The following EYS variants were observed in gnomAD, a reference collection of about 807,000 sequenced individuals.
The protein encoded by EYS is EGF-like photoreceptor maintenance factor.
A neutral mutation model predicts 282.1 loss-of-function variants in EYS; 250 were observed. That is an observed-to-expected ratio of 0.89 (90% CI 0.80 to 0.98). EYS has a LOEUF of 0.98. Among genes scored for constraint, EYS ranks in the 50% least tolerant of loss-of-function variants. The pLI is 0.00. For missense variants in EYS, 4,016 were observed against 3,709.0 expected, an observed-to-expected ratio of 1.08 and a Z score of -2.15; for synonymous variants, 1,355 against 1,282.9, an observed-to-expected ratio of 1.06 and a Z score of -1.20.
At chr6:64,021,393 A>AGGAT (rs1296113236) in intron 33 of EYS, among the ~76,000 whole-genome samples, 1 of 151,774 alleles carries the variant, frequency 6.6e-6, no homozygotes, top group Non-Finnish European at 1.5e-5. Context: ...ACAGGGAATG[A>AGGAT]GGATGCTACT....
At chr6:65,323,476 A>C (rs533439466) in intron 11 of EYS, among the ~76,000 whole-genome samples, 16 of 152,226 alleles carry the variant, frequency 1.1e-4, no homozygotes, top group Non-Finnish European at 2.4e-4. Flanking sequence ...TATGTAATAA[A>C]GTTTTGTGTA....
At chr6:63,750,209 A>G (rs1381992027) in intron 41 of EYS, among the ~76,000 whole-genome samples, 1 of 152,108 alleles carries the variant, frequency 6.6e-6, no homozygotes, top group African/African-American at 2.4e-5. Context: ...GATCCTTGTG[A>G]CAGTTATTTA....
chr6:64,125,654 T>C (rs1319879871), intron 31 of EYS, among the ~76,000 whole-genome samples: 2 of 151,546 alleles, frequency 1.3e-5, no homozygotes, highest in Non-Finnish European at 2.9e-5. Context: ...GGCGTGGTGG[T>C]GGGCACCTGT....
chr6:65,498,123 C>T (rs1766318768), intron 2 of EYS, among the ~76,000 whole-genome samples: 1 of 151,882 alleles, frequency 6.6e-6, no homozygotes, highest in African/African-American at 2.4e-5. Flanking sequence ...TCCAGGAAGA[C>T]CAGTTGGAGC....
intron 26 of EYS, among the ~76,000 whole-genome samples, chr6:64,552,452 G>A (rs1375073375): frequency 2.6e-5 from 4 of 152,084 alleles, no homozygotes; most frequent in Admixed American, 2.0e-4. Context: ...ACCTGTTAAA[G>A]TTTGACAAGA....
intron 13 of EYS, 24 bp from the exon 14 acceptor site, chr6:64,997,727 A>T: frequency 6.5e-7 from 1 of 1,548,376 alleles, no homozygotes; most frequent in Non-Finnish European, 8.7e-7. Flanking sequence ...AAAAGAGAAA[A>T]CTCTTAACAT....
chr6:64,643,040 G>A (rs951079473), intron 22 of EYS, among the ~76,000 whole-genome samples: 2 of 152,036 alleles, frequency 1.3e-5, no homozygotes, highest in African/African-American at 4.8e-5. Flanking sequence ...ACTTGAACCT[G>A]GGAGGCAGAG....
intron 33 of EYS, among the ~76,000 whole-genome samples, chr6:64,016,251 T>C (rs1004643243): frequency 6.6e-6 from 1 of 152,172 alleles, no homozygotes; most frequent in Non-Finnish European, 1.5e-5. Flanking sequence ...TAATAAACAT[T>C]TATATAGCAT....
chr6:65,256,277 T>C (rs1183448990), intron 12 of EYS, among the ~76,000 whole-genome samples: 5 of 132,804 alleles, frequency 3.8e-5, no homozygotes, highest in African/African-American at 1.7e-4. Flanking sequence ...TTTTTTTCTT[T>C]TTTTTTTTTA....
chr6:65,057,033 C>T (rs1322255913), intron 13 of EYS, among the ~76,000 whole-genome samples: 1 of 151,542 alleles, frequency 6.6e-6, no homozygotes, highest in East Asian at 1.9e-4. Flanking sequence ...TTTAGTTGAA[C>T]AGTTTCAAAT....
intron 26 of EYS, among the ~76,000 whole-genome samples, chr6:64,536,770 T>G (rs1286229749): frequency 1.3e-5 from 2 of 151,496 alleles, no homozygotes; most frequent in African/African-American, 2.4e-5. Flanking sequence ...TCATGCAATG[T>G]CCTTAGTTGA....
chr6:65,021,615 C>T (rs1170760181), intron 13 of EYS, among the ~76,000 whole-genome samples: 1 of 152,182 alleles, frequency 6.6e-6, no homozygotes, highest in Non-Finnish European at 1.5e-5. Flanking sequence ...CAGCCTCTGC[C>T]TGTTACCTAG....
At chr6:64,534,947 A>G (rs1048364948) in intron 26 of EYS, among the ~76,000 whole-genome samples, 1 of 152,158 alleles carries the variant, frequency 6.6e-6, no homozygotes, top group Non-Finnish European at 1.5e-5. Context: ...ACATACACAT[A>G]CACATAACAC....
At chr6:64,565,800 A>G (rs1410861256) in intron 26 of EYS, among the ~76,000 whole-genome samples, 2 of 152,164 alleles carry the variant, frequency 1.3e-5, no homozygotes, top group African/African-American at 4.8e-5. Context: ...AACTATATAC[A>G]GTGATGGATA....
In EYS at chr6:64,841,403, A is replaced by T. The variant is rs139769346; in HGVS notation, c.2993-18581T>A. The stretch of plus-strand genomic sequence containing the variant: ...GTGAAATTACCATGAAATATTTTTC[A>T]TGCCAAATATAAAATAAGAAGATTA... On this transcript the variant is annotated intron_variant, in intron 19 of 42. Transcript: ENST00000503581. 1.8e-4 allele frequency among the ~76,000 whole-genome samples: 27 copies of T among 152,304 alleles called. No homozygotes were observed. The Middle Eastern group carries it at 0.01, about 58-fold the overall frequency.
rs146489078 is a variant in EYS at position 64,775,439 on chromosome 6, G to A, written c.3443+37939C>T. ...GCCACTTAAAACTGAACCACCGCACGGCAAGTTATTAAATTTTAGGAGCTT... is the reference window on the plus strand; with the variant it reads ...GCCACTTAAAACTGAACCACCGCACAGCAAGTTATTAAATTTTAGGAGCTT... On this transcript the variant is annotated intron_variant, in intron 22 of 42. Transcript: ENST00000503581. Among the ~76,000 whole-genome samples the A allele has an allele frequency of 5.5e-3, 830 of 151,992 alleles. 8 individuals carry two copies. The highest frequency in any genetic ancestry group is 0.018 in the African/African-American group (747 of 41,466).
chr6:64,205,267 A>G (rs1765579901), intron 31 of EYS, among the ~76,000 whole-genome samples: 1 of 152,192 alleles, frequency 6.6e-6, no homozygotes, highest in African/African-American at 2.4e-5. Context: ...ACTTATTAAG[A>G]TCAGTCGTAT....
At chr6:64,549,447 C>T (rs113601278) in intron 26 of EYS, among the ~76,000 whole-genome samples, 2,715 of 152,212 alleles carry the variant, frequency 0.018, 78 homozygotes, top group African/African-American at 0.061. Context: ...GCAGCCCTTC[C>T]AACCACCTCC....
At chr6:64,280,042 C>T (rs1047676321) in intron 30 of EYS, among the ~76,000 whole-genome samples, 1 of 152,114 alleles carries the variant, frequency 6.6e-6, no homozygotes, top group African/African-American at 2.4e-5. Context: ...AATTGTTGCC[C>T]ATTATGTCAT....
Sources: allele counts gnomAD v4.1 joint callset (sites outside exome capture counted in the v4.1 genomes callset), GRCh38; gene constraint gnomAD v4.1.1; transcripts MANE v1.5; gene names NCBI Gene and HGNC (gene_info 2026-07-23, HGNC 2026-07-21).